The following TINAG variants were observed in gnomAD, a reference collection of about 807,000 sequenced individuals.
The protein encoded by TINAG is tubulointerstitial nephritis antigen.
In TINAG, 83 loss-of-function variants were observed where a neutral mutation model predicts 72.7. The ratio of observed to expected loss-of-function variants is 1.14; its 90% CI spans 0.96 to 1.37. The LOEUF (loss-of-function observed/expected upper bound fraction) is 1.37. TINAG is among the 40% of genes most tolerant of loss of function. The pLI is 0.00. For missense variants in TINAG, 685 were observed against 576.6 expected (o/e 1.19, Z -1.93); for synonymous variants, 234 against 189.9 (o/e 1.23, Z -1.91).
chr6:54,379,607 T>C (rs1245560200), intron 9 of TINAG, among the ~76,000 whole-genome samples: 2 of 152,214 alleles, frequency 1.3e-5, no homozygotes, highest in South Asian at 2.1e-4. Flanking sequence ...TTATGGTTTA[T>C]AACAGTAGTT....
chr6:54,356,364 C>CT (rs1008055990), intron 9 of TINAG, among the ~76,000 whole-genome samples: 23 of 151,712 alleles, frequency 1.5e-4, no homozygotes, highest in Non-Finnish European at 3.1e-4. Flanking sequence ...GTGAAACCCT[C>CT]TTTCTATAAA....
Position 54,308,711 on chromosome 6 carries a change from G to C in TINAG, c.161G>C (p.Gly54Ala). 1 of 1,613,850 alleles carries C rather than the reference G, an allele frequency of 6.2e-7. No individual in the cohort carries two copies. Among genetic ancestry groups the C allele is most frequent in the Non-Finnish European group, 8.5e-7 (1 of 1,179,874 alleles). ...GTRFKRAIFQ[G>A]QYCRNFGCCE... ...CGATTCAAAAGAGCCATTTTCCAAG[G>C]GCAATACTGTAGAAATTTTGGCTGT... The change falls in exon 1 of 11, where the codon GGG becomes GCG. Residue 54 changes from glycine (G) to alanine (A), a missense_variant. By Grantham distance (60) the Gly-to-Ala change is moderately conservative. Transcript: ENST00000259782.
intron 1 of TINAG, among the ~76,000 whole-genome samples, chr6:54,316,516 A>T (rs1414338705): frequency 6.6e-6 from 1 of 152,208 alleles, no homozygotes; most frequent in Non-Finnish European, 1.5e-5. Context: ...GGTCTTTCAG[A>T]GTGAATGCCA....
At chr6:54,358,654 C>T (rs575360792) in intron 9 of TINAG, among the ~76,000 whole-genome samples, 1 of 151,722 alleles carries the variant, frequency 6.6e-6, no homozygotes, top group East Asian at 2.0e-4. Flanking sequence ...TGCTGTTATC[C>T]TGGGAGTTCT....
chr6:54,314,019 T>A (rs1023381255), intron 1 of TINAG, among the ~76,000 whole-genome samples: 1 of 152,122 alleles, frequency 6.6e-6, no homozygotes, highest in Non-Finnish European at 1.5e-5. Context: ...AAACTTAGGA[T>A]CTACATGGGT....
intron 9 of TINAG, among the ~76,000 whole-genome samples, chr6:54,370,441 T>C (rs1763568828): frequency 6.6e-6 from 1 of 151,978 alleles, no homozygotes; most frequent in African/African-American, 2.4e-5. Flanking sequence ...TTATAAATTA[T>C]GAAATATATA....
At chr6:54,331,405 C>T (rs1034229150) in intron 4 of TINAG, among the ~76,000 whole-genome samples, 4 of 152,174 alleles carry the variant, frequency 2.6e-5, no homozygotes, top group Non-Finnish European at 5.9e-5. Context: ...TAAAACTCAA[C>T]ACCCCTTCAT....
chr6:54,350,515 A>G (rs1785240546), intron 7 of TINAG, among the ~76,000 whole-genome samples: 1 of 151,496 alleles, frequency 6.6e-6, no homozygotes, highest in African/African-American at 2.4e-5. Context: ...TCCTGCCAGC[A>G]TCTGCCACTC....
chr6:54,343,553 G>C (rs1347719592), intron 5 of TINAG, among the ~76,000 whole-genome samples: 1 of 150,064 alleles, frequency 6.7e-6, no homozygotes, highest in Non-Finnish European at 1.5e-5. Flanking sequence ...TTTATTTTAG[G>C]GTGAAATTTT....
At chr6:54,385,716 C>A (rs540743123) in intron 10 of TINAG, among the ~76,000 whole-genome samples, 2 of 151,946 alleles carry the variant, frequency 1.3e-5, no homozygotes, top group Non-Finnish European at 2.9e-5. Context: ...CGATATCTCT[C>A]ATGAGCATAA....
intron 1 of TINAG, among the ~76,000 whole-genome samples, chr6:54,310,622 C>T (rs1784223071): frequency 7.1e-6 from 1 of 140,182 alleles, no homozygotes; most frequent in Non-Finnish European, 1.6e-5. Context: ...TGTCTCTCTC[C>T]CCTTCCTTCC....
chr6:54,329,604 T>A (rs1280382346), intron 4 of TINAG, among the ~76,000 whole-genome samples: 1 of 152,128 alleles, frequency 6.6e-6, no homozygotes, highest in Non-Finnish European at 1.5e-5. Context: ...AATGTCAAGA[T>A]CAAATTCACA....
intron 4 of TINAG, among the ~76,000 whole-genome samples, chr6:54,339,279 G>C (rs1784942071): frequency 6.6e-6 from 1 of 152,166 alleles, no homozygotes; most frequent in African/African-American, 2.4e-5. Context: ...CCCTGTGCTG[G>C]AATTGTACTC....
Position 54,362,516 on chromosome 6 carries a change from A to G in TINAG, c.1250+7880A>G, listed in dbSNP as rs1351111217. On this transcript the variant is annotated intron_variant, in intron 9 of 10. Transcript: ENST00000259782. ...TTTAAAATACTGCTTGTCATTGAAA[A>G]TGCACCTAATCACCTAAGAGCTCTG... Among the ~76,000 whole-genome samples the G allele has an allele frequency of 5.9e-5, 9 of 151,696 alleles. No individual in the cohort carries two copies. The Admixed American group carries it at 5.9e-4, about 10-fold the overall frequency.
Position 54,349,393 on chromosome 6 carries a change from G to C in TINAG, c.900-323G>C, listed in dbSNP as rs576745012. 9.2e-5 allele frequency among the ~76,000 whole-genome samples: 14 copies of C among 151,942 alleles called. No homozygotes were observed. The South Asian group carries it at 2.9e-3, about 32-fold the overall frequency. On this transcript the variant is annotated intron_variant, in intron 6 of 10. Transcript: ENST00000259782. ...TTATAATTATATAAACAGGTTGAAG[G>C]GGTCCTTCCCCTATTAATATTACCA...
intron 4 of TINAG, chr6:54,327,132 C>T (rs1250820546): frequency 1.3e-6 from 2 of 1,549,032 alleles, no homozygotes. Context: ...TAGACATAGT[C>T]TCCTTTAGGA....
At chr6:54,335,359 T>C (rs781195753) in intron 4 of TINAG, among the ~76,000 whole-genome samples, 12 of 152,172 alleles carry the variant, frequency 7.9e-5, no homozygotes, top group African/African-American at 1.2e-4. Context: ...ACCTAGTGCT[T>C]TGAATTATTG....
At chr6:54,366,354 CCT>C (rs1471258704) in intron 9 of TINAG, among the ~76,000 whole-genome samples, 1 of 151,018 alleles carries the variant, frequency 6.6e-6, no homozygotes, top group African/African-American at 2.4e-5. Flanking sequence ...TGCTCTGTTC[CCT>C]CTTTTACTAG....
intron 4 of TINAG, among the ~76,000 whole-genome samples, chr6:54,342,193 A>G (rs1434866490): frequency 4.6e-5 from 7 of 152,130 alleles, no homozygotes; most frequent in Non-Finnish European, 8.8e-5. Flanking sequence ...TTGGGAAATA[A>G]CAGGTTATAG....
Sources: allele counts gnomAD v4.1 joint callset (sites outside exome capture counted in the v4.1 genomes callset), GRCh38; gene constraint gnomAD v4.1.1; transcripts MANE v1.5; gene names NCBI Gene and HGNC (gene_info 2026-07-23, HGNC 2026-07-21).